The following PTPRT variants were observed in gnomAD, a reference collection of about 807,000 sequenced individuals.
PTPRT encodes the protein protein tyrosine phosphatase receptor type T, also known as receptor-type tyrosine-protein phosphatase T.
Under a neutral mutation model 176.8 loss-of-function variants are expected in PTPRT, and 56 were observed. The ratio of observed to expected loss-of-function variants is 0.32; its 90% CI spans 0.26 to 0.40. The LOEUF (loss-of-function observed/expected upper bound fraction) is 0.40. Ranked by LOEUF, PTPRT falls within the 10% of genes least tolerant of loss-of-function variation. PTPRT has a pLI of 1.00. For missense variants in PTPRT, 1,540 were observed against 1,908.2 expected, an observed-to-expected ratio of 0.81 and a Z score of 3.60; for synonymous variants, 783 against 739.0, an observed-to-expected ratio of 1.06 and a Z score of -0.96.
intron 1 of PTPRT, among the ~76,000 whole-genome samples, chr20:42,961,804 G>A (rs1981998584): frequency 6.6e-6 from 1 of 152,216 alleles, no homozygotes; most frequent in Non-Finnish European, 1.5e-5. Flanking sequence ...TAAGGATCTT[G>A]AGTGATGAGA....
At chr20:43,078,794 A>C (rs1252343269) in intron 1 of PTPRT, among the ~76,000 whole-genome samples, 1 of 152,214 alleles carries the variant, frequency 6.6e-6, no homozygotes, top group Non-Finnish European at 1.5e-5. Flanking sequence ...CTGGCAAAAG[A>C]ATCCATTTCC....
At chr20:42,646,220 C>A (rs1008337433) in intron 7 of PTPRT, among the ~76,000 whole-genome samples, 3 of 151,942 alleles carry the variant, frequency 2.0e-5, no homozygotes, top group African/African-American at 7.3e-5. Flanking sequence ...GGACCCACGG[C>A]CAAGGGCAAA....
intron 7 of PTPRT, among the ~76,000 whole-genome samples, chr20:42,489,187 T>C (rs2071517974): frequency 1.3e-5 from 2 of 152,104 alleles, no homozygotes; most frequent in Admixed American, 1.3e-4. Context: ...TTGTTATTTT[T>C]TTGAAATGTC....
At chr20:43,038,818 A>G (rs1419580778) in intron 1 of PTPRT, among the ~76,000 whole-genome samples, 1 of 152,204 alleles carries the variant, frequency 6.6e-6, no homozygotes, top group Non-Finnish European at 1.5e-5. Flanking sequence ...TAGAAAATAT[A>G]ACGGAAACAT....
chr20:42,600,341 C>T (rs955657432), intron 7 of PTPRT, among the ~76,000 whole-genome samples: 2 of 152,096 alleles, frequency 1.3e-5, no homozygotes, highest in East Asian at 1.9e-4. Context: ...GGTTTCACCG[C>T]GTTGGCGAAG....
chr20:42,308,977 C>G (rs1366447781), intron 12 of PTPRT, among the ~76,000 whole-genome samples: 4 of 152,164 alleles, frequency 2.6e-5, no homozygotes, highest in African/African-American at 9.7e-5. Context: ...TCTCAAGAGG[C>G]AATTGAGTTC....
At chr20:42,136,896 C>T (rs887149371) in intron 18 of PTPRT, among the ~76,000 whole-genome samples, 3 of 152,090 alleles carry the variant, frequency 2.0e-5, no homozygotes, top group East Asian at 1.9e-4. Flanking sequence ...AGGCTTAATT[C>T]GGCTGAGGAG....
chr20:42,120,997 G>A (rs779798676), intron 19 of PTPRT, among the ~76,000 whole-genome samples: 12 of 152,192 alleles, frequency 7.9e-5, no homozygotes, highest in Non-Finnish European at 1.6e-4. Flanking sequence ...ATCTGTCTTT[G>A]TCTTAGATGT....
At chr20:42,473,935 A>G (rs1004318649) in intron 7 of PTPRT, among the ~76,000 whole-genome samples, 1 of 152,184 alleles carries the variant, frequency 6.6e-6, no homozygotes, top group African/African-American at 2.4e-5. Context: ...CCAATTATGT[A>G]TCCTCTTTGG....
intron 8 of PTPRT, among the ~76,000 whole-genome samples, chr20:42,455,970 G>T (rs1263515592): frequency 2.0e-5 from 3 of 151,900 alleles, no homozygotes; most frequent in African/African-American, 7.2e-5. Context: ...TTTGGTTTTT[G>T]AATTTTAGTT....
chr20:42,760,222 C>G (rs1480542357), intron 5 of PTPRT, among the ~76,000 whole-genome samples: 1 of 152,154 alleles, frequency 6.6e-6, no homozygotes, highest in Non-Finnish European at 1.5e-5. Flanking sequence ...GTTGAGGGCA[C>G]TTGCCTGCAA....
chr20:42,874,347 CAGACTT>C (rs150078232), intron 2 of PTPRT, among the ~76,000 whole-genome samples: 1,962 of 152,228 alleles, frequency 0.013, 45 homozygotes, highest in African/African-American at 0.045. Flanking sequence ...GAGACACTGA[CAGACTT>C]AGACAATTCA....
intron 1 of PTPRT, among the ~76,000 whole-genome samples, chr20:42,935,147 ATTTTTTTT>A (rs57178522): frequency 2.6e-4 from 11 of 42,168 alleles, no homozygotes; most frequent in African/African-American, 4.7e-4. Flanking sequence ...TTTTGCCATA[ATTTTTTTT>A]TTTTTTTTTT....
chr20:42,979,320 C>T (rs543096887), intron 1 of PTPRT, among the ~76,000 whole-genome samples: 183 of 152,104 alleles, frequency 1.2e-3, no homozygotes, highest in Middle Eastern at 0.01. Context: ...GTAAATATTT[C>T]CCTCAAGTTG....
chr20:42,230,079 G>T (rs371412877), intron 15 of PTPRT, among the ~76,000 whole-genome samples: 32 of 152,268 alleles, frequency 2.1e-4, no homozygotes, highest in African/African-American at 6.5e-4. Flanking sequence ...AGAGAAAGGC[G>T]CCATTCCCAC....
intron 1 of PTPRT, among the ~76,000 whole-genome samples, chr20:42,981,575 G>T (rs1433736261): frequency 1.3e-5 from 2 of 152,252 alleles, no homozygotes; most frequent in Non-Finnish European, 2.9e-5. Context: ...GACCTAGCCT[G>T]CTGGATGGGA....
intron 7 of PTPRT, among the ~76,000 whole-genome samples, chr20:42,546,893 A>G (rs1410753278): frequency 6.6e-6 from 1 of 152,196 alleles, no homozygotes; most frequent in Non-Finnish European, 1.5e-5. Flanking sequence ...AAACAATTAC[A>G]ACATCAAAGA....
the PTPRT span, among the ~76,000 whole-genome samples, chr20:42,051,163 C>G: frequency 3.9e-5 from 6 of 152,208 alleles, no homozygotes; most frequent in African/African-American, 1.4e-4. Context: ...GCTTTTCACT[C>G]ACTTTGGCCA....
intron 17 of PTPRT, among the ~76,000 whole-genome samples, chr20:42,160,462 T>C (rs1989543700): frequency 8.1e-6 from 1 of 123,546 alleles, no homozygotes; most frequent in Non-Finnish European, 1.6e-5. Flanking sequence ...AAGAGTGAGA[T>C]AAAGAAAGCT....
Sources: gnomAD v4.1 joint callset for allele counts (sites outside exome capture counted in the v4.1 genomes callset) on GRCh38, gnomAD v4.1.1 for gene constraint, MANE v1.5 for transcripts, NCBI Gene and HGNC (gene_info 2026-07-23, HGNC 2026-07-21) for gene names.